Variants in CSTPP1 observed in about 807,000 individuals in gnomAD.
CSTPP1 encodes the protein centriolar satellite-associated tubulin polyglutamylase complex regulator 1.
the CSTPP1 span, among the ~76,000 whole-genome samples, chr11:47,054,928 ATTTTTTTTTTTTTTTTT>A: frequency 1.5e-5 from 1 of 68,772 alleles, no homozygotes; most frequent in African/African-American, 6.8e-5. Context: ...ATAAATTTCA[ATTTTTTTTTTTTTTTTT>A]TTTTTTTTTT....
the CSTPP1 span, among the ~76,000 whole-genome samples, chr11:46,971,773 T>A: frequency 1.3e-5 from 2 of 152,158 alleles, no homozygotes; most frequent in African/African-American, 2.4e-5. Context: ...AGTGAGACCC[T>A]GTCTCTGCAA....
chr11:46,962,398 A>G, the CSTPP1 span, among the ~76,000 whole-genome samples: 1 of 151,972 alleles, frequency 6.6e-6, no homozygotes, highest in Non-Finnish European at 1.5e-5. Flanking sequence ...CTTTTTCGAG[A>G]TTGTTTTGGT....
At chr11:47,155,354 G>A in the CSTPP1 span, 21 of 1,114,180 alleles carry the variant, frequency 1.9e-5, no homozygotes, top group South Asian at 2.4e-4. Context: ...TGGCACACAC[G>A]TTTCTCTTCC....
At chr11:47,005,507 A>G in the CSTPP1 span, among the ~76,000 whole-genome samples, 66 of 152,354 alleles carry the variant, frequency 4.3e-4, no homozygotes, top group Admixed American at 4.2e-3. Context: ...ATTGAGAGTA[A>G]GGAAAAATAA....
the CSTPP1 span, among the ~76,000 whole-genome samples, chr11:47,063,006 G>A: frequency 1.3e-4 from 20 of 152,240 alleles, no homozygotes; most frequent in Admixed American, 9.8e-4. Flanking sequence ...CATTCCCTGC[G>A]CGTCTGTAGG....
At chr11:47,017,356 G>T in the CSTPP1 span, among the ~76,000 whole-genome samples, 1 of 151,910 alleles carries the variant, frequency 6.6e-6, no homozygotes, top group Non-Finnish European at 1.5e-5. Flanking sequence ...TGTATTTTTA[G>T]TAGAGATGGG....
the CSTPP1 span, among the ~76,000 whole-genome samples, chr11:47,091,254 C>T: frequency 2.0e-5 from 3 of 146,634 alleles, no homozygotes; most frequent in Non-Finnish European, 4.5e-5. Context: ...TAGCTGGGCA[C>T]ATCCAGCTAC....
chr11:46,964,251 TACAGTTCCAGAATTC>T, the CSTPP1 span, among the ~76,000 whole-genome samples: 1 of 152,094 alleles, frequency 6.6e-6, no homozygotes, highest in Non-Finnish European at 1.5e-5. Context: ...CTGAACAATG[TACAGTTCCAGAATTC>T]ACAGTGTCTT....
At chr11:47,112,819 T>C in the CSTPP1 span, among the ~76,000 whole-genome samples, 1 of 152,198 alleles carries the variant, frequency 6.6e-6, no homozygotes, top group East Asian at 1.9e-4. Flanking sequence ...TGTAGGTTCT[T>C]CTGTTATCCC....
the CSTPP1 span, among the ~76,000 whole-genome samples, chr11:46,999,661 G>A: frequency 1.3e-5 from 2 of 152,330 alleles, no homozygotes; most frequent in Admixed American, 1.3e-4. Context: ...GATGCAACTA[G>A]AGCTGACTAT....
the CSTPP1 span, among the ~76,000 whole-genome samples, chr11:47,150,332 G>A: frequency 1.3e-5 from 2 of 152,144 alleles, no homozygotes; most frequent in African/African-American, 4.8e-5. Context: ...CCTGGCCAGA[G>A]GAAAAGGGGA....
chr11:47,091,477 C>A, the CSTPP1 span, among the ~76,000 whole-genome samples: 1 of 152,132 alleles, frequency 6.6e-6, no homozygotes, highest in Non-Finnish European at 1.5e-5. Flanking sequence ...CTATCTCAGT[C>A]TACGTGTTTT....
At chr11:46,979,953 G>T in the CSTPP1 span, among the ~76,000 whole-genome samples, 3 of 152,138 alleles carry the variant, frequency 2.0e-5, no homozygotes, top group Non-Finnish European at 4.4e-5. Context: ...ACTTGAAATT[G>T]CAGGACTCCA....
At chr11:47,066,837 AT>A in the CSTPP1 span, among the ~76,000 whole-genome samples, 986 of 152,322 alleles carry the variant, frequency 6.5e-3, 5 homozygotes, top group Non-Finnish European at 9.9e-3. Context: ...ACTTGTTGTT[AT>A]TAACCTTTCT....
the CSTPP1 span, among the ~76,000 whole-genome samples, chr11:47,088,754 C>T: frequency 1.3e-5 from 2 of 152,194 alleles, no homozygotes; most frequent in African/African-American, 4.8e-5. Context: ...CCATATTGTC[C>T]AGGCTGGTCT....
At chr11:47,057,613 A>G in the CSTPP1 span, among the ~76,000 whole-genome samples, 1 of 152,260 alleles carries the variant, frequency 6.6e-6, no homozygotes, top group African/African-American at 2.4e-5. Flanking sequence ...AGAGATTGTC[A>G]AAGAGCTTAG....
At chr11:47,162,359 G>C in the CSTPP1 span, 10 of 603,222 alleles carry the variant, frequency 1.7e-5, no homozygotes, top group Non-Finnish European at 2.1e-5. Flanking sequence ...TCAGACCTGG[G>C]GACCTGCCTC....
the CSTPP1 span, among the ~76,000 whole-genome samples, chr11:47,036,057 T>TATATATATATATATATATATA: frequency 3.8e-4 from 3 of 7,966 alleles, 1 homozygote; most frequent in African/African-American, 1.2e-3. Context: ...ATATATATAT[T>TATATATATATATATATATATA]ATATATATAT....
the CSTPP1 span, among the ~76,000 whole-genome samples, chr11:47,080,133 A>G: frequency 1.3e-4 from 20 of 150,714 alleles, no homozygotes; most frequent in Non-Finnish European, 2.2e-4. Context: ...GAAATATGAG[A>G]TAGGAGTCCA....
Sources: allele counts gnomAD v4.1 joint callset (sites outside exome capture counted in the v4.1 genomes callset), GRCh38; gene constraint gnomAD v4.1.1; transcripts MANE v1.5; gene names NCBI Gene and HGNC (gene_info 2026-07-23, HGNC 2026-07-21).